DCAF6: variants seen among roughly 807,000 people sequenced by gnomAD.
The protein encoded by DCAF6 is DDB1 and CUL4 associated factor 6.
Under a neutral mutation model 125.1 loss-of-function variants are expected in DCAF6, and 54 were observed. That is an observed-to-expected ratio of 0.43 (90% CI 0.35 to 0.54). The LOEUF (loss-of-function observed/expected upper bound fraction) is 0.54. DCAF6 is among the 20% of genes least tolerant of loss of function. The pLI is 0.01. For synonymous variants in DCAF6, 371 were observed against 390.4 expected (o/e 0.95, Z 0.58); for missense variants, 934 against 1,161.7 (o/e 0.80, Z 2.85).
chr1:167,891,255 T>C, the DCAF6 span, among the ~76,000 whole-genome samples: 1 of 151,854 alleles, frequency 6.6e-6, no homozygotes, highest in South Asian at 2.1e-4. Flanking sequence ...CCATCACGCT[T>C]GGCTCATCTA....
At chr1:167,938,967 GTTCT>G (rs1353494053) in intron 1 of DCAF6, among the ~76,000 whole-genome samples, 3 of 152,102 alleles carry the variant, frequency 2.0e-5, no homozygotes, top group Non-Finnish European at 4.4e-5. Flanking sequence ...CATACAGGGA[GTTCT>G]TTATCTTAAA....
the DCAF6 span, among the ~76,000 whole-genome samples, chr1:167,908,700 G>A: frequency 4.0e-3 from 614 of 152,174 alleles, 3 homozygotes; most frequent in Non-Finnish European, 7.4e-3. Context: ...ATAAAGCTGA[G>A]GGAAAATAAA....
chr1:167,906,558 C>A, the DCAF6 span, among the ~76,000 whole-genome samples: 3 of 148,972 alleles, frequency 2.0e-5, no homozygotes, highest in Non-Finnish European at 4.4e-5. Flanking sequence ...GAGGCCTACA[C>A]AGGAGTATTG....
rs1205902989 is a variant in DCAF6, at chr1:168,075,494, T to G, written c.*59T>G. On this transcript the variant is annotated 3_prime_UTR_variant, in exon 22 of 22. Transcript: ENST00000367840. ...AAATTTGTATAAGACATTTATTATA[T>G]TTTTTTCTTTACAGAGCTTTAGTGC... The G allele has an allele frequency of 6.9e-7, 1 of 1,452,012 alleles. No individual in the cohort carries two copies. Among genetic ancestry groups the G allele is most frequent in the Non-Finnish European group, 9.2e-7 (1 of 1,085,094 alleles). The allele number at this position is 1,452,012 out of a possible 1,614,324, so 89.9% of individuals were successfully genotyped here.
chr1:167,901,675 G>A, the DCAF6 span: 9 of 1,613,986 alleles, frequency 5.6e-6, no homozygotes, highest in South Asian at 8.8e-5. Flanking sequence ...TCTTGACTCG[G>A]ATGTCTAGGC....
At chr1:167,885,089 C>T in the DCAF6 span, among the ~76,000 whole-genome samples, 8 of 151,832 alleles carry the variant, frequency 5.3e-5, no homozygotes, top group East Asian at 3.9e-4. Flanking sequence ...ATGACCTCCA[C>T]TTCCATCCAC....
chr1:167,914,176 G>C, the DCAF6 span: 1 of 152,348 alleles, frequency 6.6e-6, no homozygotes, highest in African/African-American at 2.4e-5. Context: ...GTAGCTCATT[G>C]TTCCACGGGC....
At chr1:168,018,517 C>T (rs1052499983) in intron 11 of DCAF6, among the ~76,000 whole-genome samples, 3 of 152,170 alleles carry the variant, frequency 2.0e-5, no homozygotes, top group Admixed American at 6.5e-5. Flanking sequence ...ACCCCTAAAG[C>T]TCCTCTGCTC....
At chr1:167,880,706 C>T in the DCAF6 span, 4 of 853,210 alleles carry the variant, frequency 4.7e-6, no homozygotes, top group East Asian at 9.6e-5. Flanking sequence ...CAATTTTTGG[C>T]TTCTGAATCA....
intron 3 of DCAF6, among the ~76,000 whole-genome samples, chr1:167,970,896 G>T (rs1677205211): frequency 6.6e-6 from 1 of 151,976 alleles, no homozygotes; most frequent in Non-Finnish European, 1.5e-5. Flanking sequence ...ATATAGCATA[G>T]AGACTCCCCA....
chr1:168,075,105 C>A (rs1693653795), intron 21 of DCAF6, among the ~76,000 whole-genome samples: 1 of 152,220 alleles, frequency 6.6e-6, no homozygotes, highest in African/African-American at 2.4e-5. Flanking sequence ...CCAAAGAACA[C>A]TGTTTGACAA....
chr1:167,935,609 C>CT, upstream of DCAF6: 3 of 751,038 alleles, frequency 4.0e-6, no homozygotes, highest in Non-Finnish European at 6.8e-6. Context: ...GACGGCTTCA[C>CT]TTGAAGGGAA....
At chr1:168,043,209 C>A in intron 14 of DCAF6, 69 bp downstream of exon 14, 2 of 1,127,226 alleles carry the variant, frequency 1.8e-6, no homozygotes, top group East Asian at 2.4e-5. Flanking sequence ...TTCCTGTTCC[C>A]TTCGATGCTG....
chr1:167,939,964 A>AT (rs1671979646), intron 1 of DCAF6, among the ~76,000 whole-genome samples: 1 of 152,174 alleles, frequency 6.6e-6, no homozygotes, highest in African/African-American at 2.4e-5. Flanking sequence ...ATTTCTACAG[A>AT]TTTTTTAGCA....
At chr1:167,946,625 G>A (rs1673128029) in intron 1 of DCAF6, among the ~76,000 whole-genome samples, 1 of 152,100 alleles carries the variant, frequency 6.6e-6, no homozygotes, top group African/African-American at 2.4e-5. Context: ...CTATTAAGAT[G>A]ATCATATGGT....
At chr1:168,003,241 TATAGA>T (rs1571891864) in intron 8 of DCAF6, among the ~76,000 whole-genome samples, 1 of 152,258 alleles carries the variant, frequency 6.6e-6, no homozygotes, top group South Asian at 2.1e-4. Flanking sequence ...ATTATAAGAC[TATAGA>T]ATAGAGTTGT....
intron 7 of DCAF6, among the ~76,000 whole-genome samples, chr1:167,997,063 T>G (rs1444003104): frequency 5.9e-5 from 9 of 152,188 alleles, no homozygotes. Context: ...GTTTTGTCCA[T>G]TGTTGTTTTC....
In DCAF6 at chr1:167,938,277, T is replaced by G. The variant is rs556031019; in HGVS notation, c.97+1269T>G. 7.2e-5 allele frequency among the ~76,000 whole-genome samples: 11 copies of G among 152,174 alleles called. No homozygotes were observed. The East Asian group carries it at 1.2e-3, about 16-fold the overall frequency. On this transcript the variant is annotated intron_variant, in intron 1 of 21. Coordinates refer to ENST00000367840, the MANE Select transcript of DCAF6 (RefSeq NM_001198956.2). ...ATGCTGGGGTGTGTGTGTGTTTGTGTGTGTATGAGAGAGACACCTGAGTGC... is the reference window on the plus strand; with the variant it reads ...ATGCTGGGGTGTGTGTGTGTTTGTGGGTGTATGAGAGAGACACCTGAGTGC...
chr1:167,912,632 GC>G, the DCAF6 span, among the ~76,000 whole-genome samples: 1 of 152,134 alleles, frequency 6.6e-6, no homozygotes, highest in Non-Finnish European at 1.5e-5. Context: ...CGGCTTTGGA[GC>G]CCCCCTCCCT....
Sources: allele counts gnomAD v4.1 joint callset (sites outside exome capture counted in the v4.1 genomes callset), GRCh38; gene constraint gnomAD v4.1.1; transcripts MANE v1.5; gene names NCBI Gene and HGNC (gene_info 2026-07-23, HGNC 2026-07-21).